ABCC5: variants seen among roughly 807,000 people sequenced by gnomAD.
The protein encoded by ABCC5 is ATP binding cassette subfamily C member 5.
Under a neutral mutation model 160.9 loss-of-function variants are expected in ABCC5, and 61 were observed. The observed-to-expected ratio is 0.38, with a 90% CI of 0.31 to 0.47. The LOEUF (loss-of-function observed/expected upper bound fraction) is 0.47, where lower values mean the gene tolerates loss of function less well. Ranked by LOEUF, ABCC5 falls within the 20% of genes least tolerant of loss-of-function variation. ABCC5 has a pLI of 0.99. For missense variants in ABCC5, 1,308 were observed against 1,813.3 expected, an observed-to-expected ratio of 0.72 and a Z score of 5.06; for synonymous variants, 666 against 700.6, an observed-to-expected ratio of 0.95 and a Z score of 0.78.
chr3:183,964,989 ATACT>A (rs1446790621), intron 14 of ABCC5, among the ~76,000 whole-genome samples, 192 bp downstream of exon 14: 1 of 152,270 alleles, frequency 6.6e-6, no homozygotes, highest in Non-Finnish European at 1.5e-5. Context: ...GACACAGAAA[ATACT>A]TACAACCTTA....
Position 183,943,005 on chromosome 3 carries a change from C to G in ABCC5, c.3505-89G>C. ...CACAGAGAAATAAAACCAGGACAACCATAGTAGCCACACAGAGGTAGCTGC... is the reference window on the plus strand; with the variant it reads ...CACAGAGAAATAAAACCAGGACAACGATAGTAGCCACACAGAGGTAGCTGC... On this transcript the variant is annotated intron_variant, in intron 24 of 29. Coordinates refer to ENST00000334444, the MANE Select transcript of ABCC5 (RefSeq NM_005688.4). 2.2e-6 allele frequency: 3 copies of G among 1,377,880 alleles called. No homozygotes were observed. In the African/African-American group the frequency reaches 4.4e-5, roughly 20 times the overall value. 85.4% of individuals were successfully genotyped at this position (1,377,880 alleles called of 1,614,324 possible). A position where few individuals can be genotyped will look rare whatever the true frequency, so the allele number is the denominator to read the frequency against.
At chr3:183,958,575 CT>C (rs939604509) in intron 17 of ABCC5, among the ~76,000 whole-genome samples, 9 of 151,932 alleles carry the variant, frequency 5.9e-5, no homozygotes, top group African/African-American at 2.2e-4. Flanking sequence ...AATCCCATAC[CT>C]TTTAAAAAAA....
chr3:184,002,755 G>A (rs374319049), intron 2 of ABCC5, among the ~76,000 whole-genome samples: 10 of 152,172 alleles, frequency 6.6e-5, no homozygotes, highest in Non-Finnish European at 1.3e-4. Flanking sequence ...GCCAGAAATC[G>A]TTCCCCGTCT....
intron 5 of ABCC5, among the ~76,000 whole-genome samples, chr3:183,983,281 GA>G (rs1718906580): frequency 6.6e-6 from 1 of 152,190 alleles, no homozygotes; most frequent in Non-Finnish European, 1.5e-5. Flanking sequence ...TCAATGAGCT[GA>G]AATTAACTCT....
chr3:183,982,844 C>G lies in ABCC5; in HGVS notation c.755G>C (p.Gly252Ala), dbSNP rs201560541. The G allele has an allele frequency of 1.2e-6, 2 of 1,614,194 alleles. No individual in the cohort carries two copies. The highest frequency in any genetic ancestry group is 2.7e-5 in the African/African-American group (2 of 75,040). ...CTTAAATGCCATGGTTAGGATGGCCCCCCGCAAGCGGACACCGGTTCGGTA... is the reference window on the plus strand; with the variant it reads ...CTTAAATGCCATGGTTAGGATGGCCGCCCGCAAGCGGACACCGGTTCGGTA... ...LNYRTGVRLRGAILTMAFKKI... is the reference protein window; with the variant it reads ...LNYRTGVRLRAAILTMAFKKI... The change falls in exon 6 of 30, where the codon GGG becomes GCG. Residue 252 changes from glycine (G) to alanine (A), a missense_variant. Transcript: ENST00000334444. This position sits in a 1 kb window ranked among gnomAD's most constrained non-coding sequence, Gnocchi z 5.2.
chr3:183,939,425 T>C (rs944871939), intron 25 of ABCC5, among the ~76,000 whole-genome samples: 2 of 152,172 alleles, frequency 1.3e-5, no homozygotes, highest in Non-Finnish European at 2.9e-5. Context: ...AGAACGAGAC[T>C]CTGTTTCAAA....
At chr3:183,955,175 G>T (rs1715758700) in intron 17 of ABCC5, among the ~76,000 whole-genome samples, 1 of 152,128 alleles carries the variant, frequency 6.6e-6, no homozygotes, top group South Asian at 2.1e-4. Flanking sequence ...AAAGGAAGGA[G>T]ATTCTCTACG....
rs981908817 is a variant in ABCC5, at chr3:183,949,458, G to T, written c.3227+295C>A. The stretch of plus-strand genomic sequence containing the variant: ...TGGGGTCCACTATATTGCCCAGGCT[G>T]GACTTGAACACCTGGGCTCAAGCCA... On this transcript the variant is annotated intron_variant, in intron 22 of 29. Transcript: ENST00000334444. The surrounding 1 kb of genome is among the most constrained non-coding windows in gnomAD (Gnocchi z 4.2). Among the ~76,000 whole-genome samples, 5 of 152,196 alleles carry T rather than the reference G, an allele frequency of 3.3e-5. No individual in the cohort carries two copies. Among genetic ancestry groups the T allele is most frequent in the Non-Finnish European group, 7.3e-5 (5 of 68,034 alleles).
intron 17 of ABCC5, 89 bp from the exon 18 acceptor site, chr3:183,953,359 C>T: frequency 8.3e-7 from 1 of 1,207,698 alleles, no homozygotes; most frequent in Non-Finnish European, 1.1e-6. Flanking sequence ...AATCGGACAA[C>T]CGGCAGCTTC....
rs1266223494 is a variant in ABCC5 at position 183,965,184 on chromosome 3, C to T, written c.2031+1G>A. The T allele has an allele frequency of 6.2e-7, 1 of 1,613,936 alleles. No homozygotes were observed. The highest frequency in any genetic ancestry group is 8.5e-7 in the Non-Finnish European group (1 of 1,179,974). On this transcript the variant is annotated splice_donor_variant, in intron 14 of 29. Coordinates refer to ENST00000334444, the MANE Select transcript of ABCC5 (RefSeq NM_005688.4). LOFTEE classifies it high-confidence loss of function. ...CCTGGTCAGGGGCGGAAGGCCTGTA[C>T]CTCCGTCAGGTCGCTGCTGGGAAGA...
intron 17 of ABCC5, among the ~76,000 whole-genome samples, chr3:183,953,515 T>C (rs1338510216): frequency 6.6e-6 from 1 of 152,164 alleles, no homozygotes; most frequent in African/African-American, 2.4e-5. Flanking sequence ...CCTAGGGACC[T>C]GGCTGAGGAG....
chr3:183,960,802 T>C (rs1176963222), intron 16 of ABCC5, among the ~76,000 whole-genome samples: 1 of 146,582 alleles, frequency 6.8e-6, no homozygotes, highest in Non-Finnish European at 1.5e-5. Context: ...TTTTTTTTTC[T>C]TGAGATGGAA....
chr3:183,962,307 T>C (rs972048830), intron 15 of ABCC5, among the ~76,000 whole-genome samples: 4 of 152,140 alleles, frequency 2.6e-5, no homozygotes, highest in Non-Finnish European at 4.4e-5. Context: ...AAAAACAGAA[T>C]GGTTGTGTGG....
At position 183,957,896 on chromosome 3, in the gene ABCC5, G is replaced by T. The variant is rs10937156; in HGVS notation, c.2482+1837C>A. ...TGCGGATCCGTGTGTATATCACATC[G>T]GTTACATGCGGATCCGTGTGTATAT... On this transcript the variant is annotated intron_variant, in intron 17 of 29. Transcript: ENST00000334444. Among the ~76,000 whole-genome samples the T allele has an allele frequency of 4.1e-3, 411 of 100,622 alleles. 1 individual carries two copies. Among genetic ancestry groups the T allele is most frequent in the East Asian group, 9.4e-3 (27 of 2,858 alleles). The allele number at this position is 100,622 out of a possible 152,430, so 66.0% of individuals were successfully genotyped here.
intron 22 of ABCC5, among the ~76,000 whole-genome samples, chr3:183,948,868 A>AT (rs939787045): frequency 2.4e-4 from 36 of 151,824 alleles, no homozygotes; most frequent in African/African-American, 7.0e-4. Flanking sequence ...CGCCTGGTTA[A>AT]TTTTTTTGTA....
chr3:183,982,786 T>C lies in ABCC5; in HGVS notation c.813A>G (p.Lys271=), dbSNP rs374488114. The change falls in exon 6 of 30, where the codon AAA becomes AAG. Residue 271 remains lysine, a synonymous_variant. Coordinates refer to ENST00000334444, the MANE Select transcript of ABCC5 (RefSeq NM_005688.4). This position sits in a 1 kb window ranked among gnomAD's most constrained non-coding sequence, Gnocchi z 5.2. ...KILKLKNIKE[K]SLGELINICS... is the part of the protein sequence containing the mutation. ...ACCCCTCACTCACCTCACCCAGGGA[T>C]TTCTCTTTAATGTTCTTTAACTTAA... 8 of 1,614,046 alleles carry C rather than the reference T, an allele frequency of 5.0e-6. No individual in the cohort carries two copies. Among genetic ancestry groups the C allele is most frequent in the African/African-American group, 4.0e-5 (3 of 74,916 alleles).
rs115197119 is a variant in ABCC5 at position 183,944,983 on chromosome 3, T to C, written c.3504+867A>G. On this transcript the variant is annotated intron_variant, in intron 24 of 29. Transcript: ENST00000334444. ...CCCTTGCTGTTCCCGTGACAGTGAG[T>C]TCTCAGGAGATCTGGTTGTTTGAAA... Among the ~76,000 whole-genome samples the C allele has an allele frequency of 1.7e-3, 258 of 152,218 alleles. 2 individuals are homozygous for C. The highest frequency in any genetic ancestry group is 3.5e-3 in the South Asian group (17 of 4,812).
intron 1 of ABCC5, among the ~76,000 whole-genome samples, chr3:184,014,911 A>G (rs1722067883): frequency 6.6e-6 from 1 of 152,204 alleles, no homozygotes; most frequent in Non-Finnish European, 1.5e-5. Flanking sequence ...TCTACCAATG[A>G]TATATTCCAT....
chr3:183,944,468 C>T (rs914560945), intron 24 of ABCC5, among the ~76,000 whole-genome samples: 2 of 149,452 alleles, frequency 1.3e-5, no homozygotes, highest in African/African-American at 4.9e-5. Flanking sequence ...AACTATGTTT[C>T]AAAGTCAAGT....
Sources: allele counts gnomAD v4.1 joint callset (sites outside exome capture counted in the v4.1 genomes callset), GRCh38; gene constraint gnomAD v4.1.1; non-coding constraint Gnocchi (gnomAD v3.1); transcripts MANE v1.5; gene names NCBI Gene and HGNC (gene_info 2026-07-23, HGNC 2026-07-21).